STAG1: variants seen among roughly 807,000 people sequenced by gnomAD.
The protein encoded by STAG1 is cohesin subunit SA-1.
STAG1 carries 26 observed loss-of-function variants against 170.9 expected under a neutral mutation model. The observed-to-expected ratio is 0.15, with a 90% CI of 0.11 to 0.21. STAG1 has a LOEUF of 0.21. STAG1 is among the 10% of genes least tolerant of loss of function. The pLI, the probability that STAG1 is intolerant of heterozygous loss-of-function variation, is 1.00. For synonymous variants in STAG1, 514 were observed against 497.7 expected, an observed-to-expected ratio of 1.03 and a Z score of -0.44; for missense variants, 964 against 1,509.5, an observed-to-expected ratio of 0.64 and a Z score of 5.99.
intron 15 of STAG1, among the ~76,000 whole-genome samples, 171 bp from the exon 16 acceptor site, chr3:136,433,830 C>T (rs1207962911): frequency 6.6e-6 from 1 of 151,600 alleles, no homozygotes; most frequent in East Asian, 1.9e-4. Context: ...TATGTGCTTG[C>T]TGTCATAAGT....
chr3:136,568,887 A>G (rs769813984), intron 4 of STAG1, 26 bp from the exon 5 acceptor site: 5 of 1,539,398 alleles, frequency 3.2e-6, no homozygotes, highest in South Asian at 2.4e-5. Flanking sequence ...ATAAAAATGA[A>G]AACTTCAAAA....
At chr3:136,698,844 A>C (rs1179160501) in intron 1 of STAG1, among the ~76,000 whole-genome samples, 1 of 152,240 alleles carries the variant, frequency 6.6e-6, no homozygotes, top group Non-Finnish European at 1.5e-5. Flanking sequence ...GAAATAAAGA[A>C]AATATAGTAT....
rs568872320 is a variant in STAG1, at chr3:136,544,900, G to A, written c.395-2705C>T. The stretch of plus-strand genomic sequence containing the variant: ...CTTCCAAATAGCAGATGCTTTCTAA[G>A]TAATTGCTCCATGTATAAATCATTT... On this transcript the variant is annotated intron_variant, in intron 5 of 33. Coordinates refer to ENST00000383202, the MANE Select transcript of STAG1 (RefSeq NM_005862.3). Among the ~76,000 whole-genome samples the A allele has an allele frequency of 5.9e-5, 9 of 152,226 alleles. No individual in the cohort carries two copies. The South Asian group carries it at 1.9e-3, about 32-fold the overall frequency.
chr3:136,464,062 A>T (rs988197623), intron 13 of STAG1, among the ~76,000 whole-genome samples: 3 of 151,556 alleles, frequency 2.0e-5, no homozygotes, highest in African/African-American at 7.3e-5. Flanking sequence ...AATAAGGTTT[A>T]AAAAAAATTA....
At chr3:136,548,155 C>A (rs529694437) in intron 5 of STAG1, among the ~76,000 whole-genome samples, 44 of 151,330 alleles carry the variant, frequency 2.9e-4, no homozygotes, top group African/African-American at 1.0e-3. Flanking sequence ...ACTCTGTCAT[C>A]CAGGCTGGAG....
At chr3:136,568,114 T>C (rs904824698) in intron 5 of STAG1, among the ~76,000 whole-genome samples, 38 of 152,162 alleles carry the variant, frequency 2.5e-4, no homozygotes, top group African/African-American at 8.4e-4. Flanking sequence ...AGAAATCAAT[T>C]TGGTCAGTTA....
chr3:136,629,679 G>T (rs1463773708), intron 2 of STAG1, among the ~76,000 whole-genome samples: 1 of 152,024 alleles, frequency 6.6e-6, no homozygotes, highest in Non-Finnish European at 1.5e-5. Flanking sequence ...AAAAAAGAAG[G>T]CCAAGAGATC....
chr3:136,516,365 G>A (rs568820687), intron 7 of STAG1, among the ~76,000 whole-genome samples: 8 of 152,014 alleles, frequency 5.3e-5, no homozygotes, highest in Non-Finnish European at 1.2e-4. Context: ...AAAATTAGCC[G>A]GATGTGGTGG....
At chr3:136,722,837 G>A (rs930968442) in intron 1 of STAG1, among the ~76,000 whole-genome samples, 27 of 152,164 alleles carry the variant, frequency 1.8e-4, no homozygotes, top group Non-Finnish European at 3.5e-4. Context: ...GATTGCAGGC[G>A]CGCGCCACCA....
chr3:136,701,492 T>C (rs1341441481), intron 1 of STAG1, among the ~76,000 whole-genome samples: 2 of 152,104 alleles, frequency 1.3e-5, no homozygotes, highest in East Asian at 1.9e-4. Flanking sequence ...TCCTAGAAGT[T>C]ATTGTATCCT....
At chr3:136,649,622 T>C (rs1357689248) in intron 1 of STAG1, among the ~76,000 whole-genome samples, 1 of 149,316 alleles carries the variant, frequency 6.7e-6, no homozygotes, top group African/African-American at 2.5e-5. Flanking sequence ...AAAAAACTAA[T>C]ATAAAATAAC....
At position 136,422,413 on chromosome 3, in the gene STAG1, T is replaced by C. The variant is rs1173230475; in HGVS notation, c.2034A>G (p.Gln678=). The C allele has an allele frequency of 1.2e-6, 2 of 1,613,964 alleles. No individual in the cohort carries two copies. The highest frequency in any genetic ancestry group is 1.7e-5 in the Admixed American group (1 of 59,998). Residue 678 remains glutamine, a synonymous_variant, in exon 19 of 34, where the codon CAA becomes CAG. Transcript: ENST00000383202. ...RFNHSVEDLL[Q]EGEEADDDDI... is the part of the protein sequence containing the mutation. The stretch of plus-strand genomic sequence containing the variant: ...ACACATTAACTTTAGAACAGACCTC[T>C]TGCAATAGGTCTTCCACAGAATGAT...
In STAG1 at chr3:136,500,432, T is replaced by C; in HGVS notation, c.829-136A>G. Reference sequence around the variant, plus strand: ...TTTTCTCACTTGTAGTACAGATGTGTGAAAATACCAGTATATTTCCATTAT... The same window carrying C: ...TTTTCTCACTTGTAGTACAGATGTGCGAAAATACCAGTATATTTCCATTAT... On this transcript the variant is annotated intron_variant, in intron 8 of 33. Coordinates refer to ENST00000383202, the MANE Select transcript of STAG1 (RefSeq NM_005862.3). 5 of 578,474 alleles carry C rather than the reference T, an allele frequency of 8.6e-6. No individual in the cohort carries two copies. The South Asian group carries it at 1.1e-4, about 13-fold the overall frequency. 35.8% of individuals were successfully genotyped at this position (578,474 alleles called of 1,614,324 possible).
At chr3:136,383,783 G>A (rs1336460569) in intron 22 of STAG1, among the ~76,000 whole-genome samples, 4 of 151,474 alleles carry the variant, frequency 2.6e-5, no homozygotes, top group South Asian at 2.1e-4. Flanking sequence ...GTGAAACCCC[G>A]TCTCTACTAA....
At chr3:136,626,753 AATAC>A (rs1198494189) in intron 2 of STAG1, among the ~76,000 whole-genome samples, 4 of 152,312 alleles carry the variant, frequency 2.6e-5, no homozygotes, top group Non-Finnish European at 5.9e-5. Flanking sequence ...TGTTATCTAT[AATAC>A]ATATGCACAA....
At chr3:136,749,754 AAAAAAG>A (rs1935131274) in intron 1 of STAG1, among the ~76,000 whole-genome samples, 1 of 151,842 alleles carries the variant, frequency 6.6e-6, no homozygotes, top group Admixed American at 6.6e-5. Context: ...CAAAAAAAAA[AAAAAAG>A]AAAAACAACT....
At chr3:136,594,339 C>T (rs1046426973) in intron 4 of STAG1, among the ~76,000 whole-genome samples, 4 of 152,072 alleles carry the variant, frequency 2.6e-5, no homozygotes, top group East Asian at 1.9e-4. Flanking sequence ...TATAAAAGTC[C>T]ATACTTTTCT....
chr3:136,346,860 A>G (rs566675230), intron 29 of STAG1, among the ~76,000 whole-genome samples: 1 of 152,326 alleles, frequency 6.6e-6, no homozygotes, highest in South Asian at 2.1e-4. Context: ...GCACTTTGGG[A>G]CACTGAGGCA....
intron 6 of STAG1, among the ~76,000 whole-genome samples, chr3:136,541,532 TAACA>T (rs1935897368): frequency 6.6e-5 from 6 of 90,760 alleles, no homozygotes; most frequent in African/African-American, 2.2e-4. Flanking sequence ...AATAGAAGCT[TAACA>T]TTCACACACA....
Sources: gnomAD v4.1 joint callset for allele counts (sites outside exome capture counted in the v4.1 genomes callset) on GRCh38, gnomAD v4.1.1 for gene constraint, MANE v1.5 for transcripts, NCBI Gene and HGNC (gene_info 2026-07-23, HGNC 2026-07-21) for gene names.